MAMSTR: variants seen among roughly 807,000 people sequenced by gnomAD.
MAMSTR encodes the protein MEF2-activating motif and SAP domain-containing transcriptional regulator.
Under a neutral mutation model 42.7 loss-of-function variants are expected in MAMSTR, and 41 were observed. That is an observed-to-expected ratio of 0.96 (90% CI 0.75 to 1.25). MAMSTR has a LOEUF of 1.25. Ranked by LOEUF, MAMSTR falls within the 50% of genes most tolerant of loss-of-function variation. MAMSTR has a pLI of 0.00. For synonymous variants in MAMSTR, 265 were observed against 244.1 expected (o/e 1.09, Z -0.80); for missense variants, 567 against 557.6 (o/e 1.02, Z -0.17).
rs2032786222 is a variant in MAMSTR, at chr19:48,713,202, C to T, written c.*65G>A. The T allele has an allele frequency of 4.5e-5, 66 of 1,462,926 alleles. 1 individual carries two copies. The South Asian group carries it at 8.8e-4, about 19-fold the overall frequency. 90.6% of individuals were successfully genotyped at this position (1,462,926 alleles called of 1,614,324 possible). On this transcript the variant is annotated 3_prime_UTR_variant, in exon 10 of 10. Coordinates refer to ENST00000318083, the MANE Select transcript of MAMSTR (RefSeq NM_001130915.2). ...GGAGGGGCTCTGCTGGTAGTTCCCT[C>T]TCCTCCCACAAGGAGCTTCTCTCCA...
intron 2 of MAMSTR, among the ~76,000 whole-genome samples, chr19:48,717,534 C>CTTT (rs34694985): frequency 7.9e-6 from 1 of 126,630 alleles, no homozygotes; most frequent in Non-Finnish European, 1.7e-5. Context: ...TGTTAACTAT[C>CTTT]TTTTTTTTTT....
At position 48,716,884 on chromosome 19, in the gene MAMSTR, G is replaced by A. The variant is rs1033371060; in HGVS notation, c.59-141C>T. ...TTACACAGCCTGTGCAGGCGGGTGG[G>A]CGGGCAGCAGGCTCCCTTCCTCGGG... On this transcript the variant is annotated intron_variant, in intron 2 of 9. Coordinates refer to ENST00000318083, the MANE Select transcript of MAMSTR (RefSeq NM_001130915.2). 4.1e-6 allele frequency: 5 copies of A among 1,223,122 alleles called. No individual in the cohort carries two copies. The African/African-American group carries it at 7.8e-5, about 19-fold the overall frequency. 75.8% of individuals were successfully genotyped at this position (1,223,122 alleles called of 1,614,324 possible).
At chr19:48,717,050 C>A in intron 2 of MAMSTR, 1 of 1,011,696 alleles carries the variant, frequency 9.9e-7, no homozygotes, top group Non-Finnish European at 1.2e-6. Flanking sequence ...CCCACCCCAC[C>A]CCCTGCGCAA....
At chr19:48,705,905 T>C in the MAMSTR span, 1 of 166,348 alleles carries the variant, frequency 6.0e-6, no homozygotes, top group Non-Finnish European at 1.5e-5. Context: ...CCCTGACTCT[T>C]ATAAATAAAT....
chr19:48,711,398 T>C (rs2032722658), downstream of MAMSTR, among the ~76,000 whole-genome samples: 1 of 152,164 alleles, frequency 6.6e-6, no homozygotes. Flanking sequence ...TGCCATCTTG[T>C]ATGTGCTAGC....
At chr19:48,710,108 C>T (rs1035669548), downstream of MAMSTR, among the ~76,000 whole-genome samples, 24 of 151,026 alleles carry the variant, frequency 1.6e-4, no homozygotes, top group Admixed American at 6.0e-4. Context: ...CCACCTGCCT[C>T]GGACTCCCAA....
Position 48,713,275 on chromosome 19 carries a change from G to T in MAMSTR, c.1240C>A (p.Pro414Thr). The stretch of plus-strand genomic sequence containing the variant: ...GTAAATCCTAGAATCCATCACCATG[G>T]ATCCTCCAGCAGGTCCCACAGCCGG... ...SSRLWDLLEDPW is the reference protein window; with the variant it reads ...SSRLWDLLEDTW The change falls in exon 10 of 10, where the codon CCA becomes ACA. Residue 414 changes from proline (P) to threonine (T), a missense_variant. By Grantham distance (38) the Pro-to-Thr change is conservative. Coordinates refer to ENST00000318083, the MANE Select transcript of MAMSTR (RefSeq NM_001130915.2). The T allele has an allele frequency of 6.3e-7, 1 of 1,593,736 alleles. No individual in the cohort carries two copies. The highest frequency in any genetic ancestry group is 8.5e-7 in the Non-Finnish European group (1 of 1,174,496).
At chr19:48,714,932 A>G in intron 5 of MAMSTR, 24 bp from the exon 6 acceptor site, 3 of 1,509,966 alleles carry the variant, frequency 2.0e-6, no homozygotes, top group Non-Finnish European at 1.8e-6. Flanking sequence ...TGAGGGGCGA[A>G]CAAAGGTTAG....
rs756019576 is a variant in MAMSTR, at chr19:48,713,402, G to C, written c.1113C>G (p.Asp371Glu). 1.9e-6 allele frequency: 3 copies of C among 1,613,426 alleles called. No homozygotes were observed. Among genetic ancestry groups the C allele is most frequent in the Non-Finnish European group, 2.5e-6 (3 of 1,179,802 alleles). Residue 371 changes from aspartate (D) to glutamate (E), a missense_variant, in exon 10 of 10, where the codon GAC (aspartate) becomes GAG (glutamate). Physicochemically the swap from Asp to Glu is conservative, Grantham distance 45 (BLOSUM62 2). Transcript: ENST00000318083. ...TCAGGGCCTCCAGCCAGTCCAGGGA[G>C]TCCGTGGGGTCCCTGGGAGAAGGGG... The part of the protein sequence containing the change: ...SSSPSPRDPT[D>E]SLDWLEALSG...
chr19:48,711,833 C>T (rs538805787), downstream of MAMSTR, among the ~76,000 whole-genome samples: 17 of 151,342 alleles, frequency 1.1e-4, no homozygotes, highest in South Asian at 3.3e-3. Context: ...GCAAGCTCCG[C>T]CTCCCGGGTT....
chr19:48,715,548 G>T, intron 4 of MAMSTR, 77 bp downstream of exon 4: 1 of 1,483,858 alleles, frequency 6.7e-7, no homozygotes, highest in Non-Finnish European at 8.9e-7. Flanking sequence ...CACCGAAGAG[G>T]AGCAAAAATG....
Position 48,713,979 on chromosome 19 carries a change from G to C in MAMSTR, c.790C>G (p.Pro264Ala), listed in dbSNP as rs780801701. The C allele has an allele frequency of 2.5e-6, 4 of 1,613,110 alleles. No homozygotes were observed. The highest frequency in any genetic ancestry group is 2.5e-6 in the Non-Finnish European group (3 of 1,179,718). Residue 264 changes from proline (P) to alanine (A), a missense_variant, in exon 8 of 10, where the codon CCG becomes GCG. Transcript: ENST00000318083. ...GGAGCCGGAGTGGGAGTTGGAGCCG[G>C]AGCCGTCCCCGGGGTATCCGCGGCA... ...PRAADTPGTAPAPTPTPAPAA... is the reference protein window; with the variant it reads ...PRAADTPGTAAAPTPTPAPAA...
At chr19:48,717,022 T>A in intron 2 of MAMSTR, 1 of 1,083,140 alleles carries the variant, frequency 9.2e-7, no homozygotes, top group Non-Finnish European at 1.1e-6. Context: ...ACCTGCCCCC[T>A]CCATGAGCAA....
chr19:48,716,094 G>A (rs1247556842), intron 3 of MAMSTR, among the ~76,000 whole-genome samples: 1 of 152,118 alleles, frequency 6.6e-6, no homozygotes, highest in Non-Finnish European at 1.5e-5. Flanking sequence ...GCTACATCCA[G>A]GCCGGCCGCG....
At chr19:48,716,101 C>T (rs2033014879) in intron 3 of MAMSTR, among the ~76,000 whole-genome samples, 2 of 152,140 alleles carry the variant, frequency 1.3e-5, no homozygotes, top group South Asian at 2.1e-4. Flanking sequence ...CCAGGCCGGC[C>T]GCGGTGGCTC....
At chr19:48,717,928 C>A in intron 2 of MAMSTR, among the ~76,000 whole-genome samples, 1 of 152,094 alleles carries the variant, frequency 6.6e-6, no homozygotes, top group Non-Finnish European at 1.5e-5. Flanking sequence ...TGGTCTCGAA[C>A]TCCTGAGCTC....
In MAMSTR at chr19:48,715,305, G is replaced by A; in HGVS notation, c.382C>T (p.Pro128Ser). The change falls in exon 5 of 10, where the codon CCA becomes TCA. Residue 128 changes from proline (P) to serine (S), a missense_variant. Coordinates refer to ENST00000318083, the MANE Select transcript of MAMSTR (RefSeq NM_001130915.2). ...GAGTCTGTCCCTTCCCACAGAGATG[G>A]CCCAGGAGGACCCAGGGCGGACCCC... is the stretch of plus-strand genomic sequence containing the variant. Reference protein sequence around the residue: ...AEGSALGPPGPSLWEGTDSQQ... With the variant: ...AEGSALGPPGSSLWEGTDSQQ... The A allele has an allele frequency of 6.3e-7, 1 of 1,596,538 alleles. No homozygotes were observed. Among genetic ancestry groups the A allele is most frequent in the Non-Finnish European group, 8.5e-7 (1 of 1,172,820 alleles).
At chr19:48,714,115 T>C in intron 7 of MAMSTR, 70 bp from the exon 8 acceptor site, 2 of 1,446,154 alleles carry the variant, frequency 1.4e-6, no homozygotes, top group Non-Finnish European at 1.8e-6. Flanking sequence ...ACTCGCAACG[T>C]GTGGCTCCAC....
In MAMSTR at chr19:48,719,118, C is replaced by T. The variant is rs756156447; in HGVS notation, c.-21-66G>A. ...TGGCTCAGAGTGGAGGTCAGGAGGC[C>T]GCCCCTGAGAGTGAATTCAGCAGGG... On this transcript the variant is annotated intron_variant, in intron 1 of 9. Transcript: ENST00000318083. This position sits in a 1 kb window ranked among gnomAD's most constrained non-coding sequence, Gnocchi z 4.4. 2.5e-5 allele frequency: 28 copies of T among 1,137,552 alleles called. No homozygotes were observed. The highest frequency in any genetic ancestry group is 2.0e-4 in the Middle Eastern group (1 of 5,040). 70.5% of individuals were successfully genotyped at this position (1,137,552 alleles called of 1,614,324 possible). A position where few individuals can be genotyped will look rare whatever the true frequency, so the allele number is the denominator to read the frequency against.
Sources: allele counts gnomAD v4.1 joint callset (sites outside exome capture counted in the v4.1 genomes callset), GRCh38; gene constraint gnomAD v4.1.1; non-coding constraint Gnocchi (gnomAD v3.1); transcripts MANE v1.5; gene names NCBI Gene and HGNC (gene_info 2026-07-23, HGNC 2026-07-21).